RUNX2: variants seen among roughly 807,000 people sequenced by gnomAD.
The protein encoded by RUNX2 is RUNX family transcription factor 2.
A neutral mutation model predicts 51.7 loss-of-function variants in RUNX2; 10 were observed. The ratio of observed to expected loss-of-function variants is 0.19; its 90% CI spans 0.12 to 0.33. The LOEUF (loss-of-function observed/expected upper bound fraction) is 0.33, where lower values mean the gene tolerates loss of function less well. RUNX2 is among the 10% of genes least tolerant of loss of function. RUNX2 has a pLI of 1.00. For missense variants in RUNX2, 562 were observed against 691.3 expected (o/e 0.81, Z 2.10); for synonymous variants, 276 against 273.6 (o/e 1.01, Z -0.09).
rs1289838464 is a variant in RUNX2 at position 45,491,956 on chromosome 6, T to C, written c.701T>C (p.Leu234Pro). ...PREPRRHRQKLDDSKPSLFSD... is the reference protein window; with the variant it reads ...PREPRRHRQKPDDSKPSLFSD... ...CTATTTCCAGGGCACAGACAGAAGC[T>C]TGATGACTCTAAACCTAGTTTGTTC... Residue 234 changes from leucine (L) to proline (P), a missense_variant, in exon 6 of 9, where the codon CTT becomes CCT. This residue lies in a region of RUNX2 where 37 missense variants were observed against 66.5 expected (regional missense o/e 0.56). Coordinates refer to ENST00000647337, the MANE Select transcript of RUNX2 (RefSeq NM_001024630.4). The C allele has an allele frequency of 1.2e-6, 2 of 1,613,832 alleles. No homozygotes were observed. Among genetic ancestry groups the C allele is most frequent in the African/African-American group, 2.7e-5 (2 of 74,904 alleles).
chr6:45,426,389 G>T (rs764743270), intron 3 of RUNX2, among the ~76,000 whole-genome samples: 4 of 152,124 alleles, frequency 2.6e-5, no homozygotes, highest in African/African-American at 9.7e-5. Context: ...GAAGTAATTT[G>T]CAAATTCAGC....
At chr6:45,399,490 G>A (rs1297474403) in intron 2 of RUNX2, among the ~76,000 whole-genome samples, 1 of 150,026 alleles carries the variant, frequency 6.7e-6, no homozygotes, top group Non-Finnish European at 1.5e-5. Flanking sequence ...CTACTGAGTA[G>A]CTGAGATTAC....
At chr6:45,436,203 G>A (rs1015029470) in intron 4 of RUNX2, among the ~76,000 whole-genome samples, 31 of 152,138 alleles carry the variant, frequency 2.0e-4, no homozygotes, top group Non-Finnish European at 7.3e-5. Flanking sequence ...GGCACATAGA[G>A]CTGATTGGGA....
At chr6:45,415,543 A>G (rs1264521625) in intron 2 of RUNX2, among the ~76,000 whole-genome samples, 1 of 152,166 alleles carries the variant, frequency 6.6e-6, no homozygotes, top group Non-Finnish European at 1.5e-5. Context: ...TGCTGGGGGA[A>G]ACTTCTGGCT....
At chr6:45,419,446 A>G (rs1798131060) in intron 2 of RUNX2, among the ~76,000 whole-genome samples, 1 of 151,358 alleles carries the variant, frequency 6.6e-6, no homozygotes, top group Non-Finnish European at 1.5e-5. Context: ...AAAAGGCAGG[A>G]AAAAAAAGCC....
intron 7 of RUNX2, among the ~76,000 whole-genome samples, chr6:45,520,028 C>T (rs1286644392): frequency 6.6e-6 from 1 of 151,952 alleles, no homozygotes; most frequent in Admixed American, 6.6e-5. Flanking sequence ...GATGGGGTTC[C>T]ACCATGTTGG....
Position 45,431,920 on chromosome 6 carries a change from G to A in RUNX2, c.481G>A (p.Asp161Asn), listed in dbSNP as rs1477047335. 6 of 1,614,006 alleles carry A rather than the reference G, an allele frequency of 3.7e-6. No homozygotes were observed. Among genetic ancestry groups the A allele is most frequent in the South Asian group, 1.1e-5 (1 of 91,082 alleles). Residue 161 changes from aspartate (D) to asparagine (N), a missense_variant, in exon 4 of 9, where the codon GAT (aspartate) becomes AAT (asparagine). Physicochemically the swap from Asp to Asn is conservative, Grantham distance 23. Transcript: ENST00000647337. ...TGTGGTTACTGTCATGGCGGGTAAC[G>A]ATGAAAATTATTCTGCTGAGCTCCG... Reference protein sequence around the residue: ...GTVVTVMAGNDENYSAELRNA... With the variant: ...GTVVTVMAGNNENYSAELRNA...
chr6:45,448,422 TA>T, intron 5 of RUNX2, among the ~76,000 whole-genome samples: 1 of 152,166 alleles, frequency 6.6e-6, no homozygotes, highest in East Asian at 1.9e-4. Flanking sequence ...TTTTGTAGGG[TA>T]AACGAATCAA....
intron 5 of RUNX2, among the ~76,000 whole-genome samples, chr6:45,483,088 A>G (rs1162258579): frequency 2.6e-5 from 4 of 152,222 alleles, no homozygotes; most frequent in African/African-American, 9.6e-5. Context: ...CTGAAGCCAC[A>G]CACTAACATT....
At chr6:45,335,318 A>C (rs1281570113) in intron 2 of RUNX2, among the ~76,000 whole-genome samples, 1 of 151,300 alleles carries the variant, frequency 6.6e-6, no homozygotes, top group Non-Finnish European at 1.5e-5. Context: ...TTTACTTTGA[A>C]GCTTAAAAGA....
intron 2 of RUNX2, among the ~76,000 whole-genome samples, chr6:45,389,750 C>T (rs2150346309): frequency 6.6e-6 from 1 of 152,230 alleles, no homozygotes; most frequent in South Asian, 2.1e-4. Flanking sequence ...GTGGCTCATG[C>T]CTGTAATCTG....
chr6:45,349,211 ATATT>A (rs988304494), intron 2 of RUNX2, among the ~76,000 whole-genome samples: 7 of 152,164 alleles, frequency 4.6e-5, no homozygotes, highest in African/African-American at 1.7e-4. Context: ...CTACTTCTAC[ATATT>A]TAAAGTCACA....
rs147149129 is a variant in RUNX2, at chr6:45,466,205, C to G, written c.686-25736C>G. Among the ~76,000 whole-genome samples the G allele has an allele frequency of 6.3e-3, 959 of 151,792 alleles. 9 individuals carry two copies. The highest frequency in any genetic ancestry group is 0.022 in the African/African-American group (897 of 41,390). ...GTGGGCGCCTGTAATCCTAGCTACT[C>G]AGGAGGCTGAGGCAGGAGAATCGCT... On this transcript the variant is annotated intron_variant, in intron 5 of 8. Coordinates refer to ENST00000647337, the MANE Select transcript of RUNX2 (RefSeq NM_001024630.4).
chr6:45,548,835 G>A lies in RUNX2; in HGVS notation c.*1530G>A, dbSNP rs1802480621. The A allele has an allele frequency of 3.8e-6, 1 of 263,012 alleles. No homozygotes were observed. The highest frequency in any genetic ancestry group is 5.5e-5 in the Admixed American group (1 of 18,296). The allele number at this position is 263,012 out of a possible 1,614,324, so 16.3% of individuals were successfully genotyped here. A position where few individuals can be genotyped will look rare whatever the true frequency, so the allele number is the denominator to read the frequency against. ...CAACACAACAGGGGAACCCCAATCT[G>A]CCTTACCCAAGGCCCCACTGGCAGC... On this transcript the variant is annotated 3_prime_UTR_variant, in exon 9 of 9. Transcript: ENST00000647337.
intron 2 of RUNX2, among the ~76,000 whole-genome samples, chr6:45,336,180 A>C (rs983039581): frequency 9.5e-5 from 14 of 147,378 alleles, no homozygotes; most frequent in Non-Finnish European, 1.7e-4. Flanking sequence ...TTTAGAAGGA[A>C]AACTTAACAT....
chr6:45,346,955 T>C (rs1791006266), intron 2 of RUNX2, among the ~76,000 whole-genome samples: 1 of 152,272 alleles, frequency 6.6e-6, no homozygotes, highest in African/African-American at 2.4e-5. Flanking sequence ...TAGGAGGACT[T>C]AGCAAAGGGA....
chr6:45,467,596 G>T (rs1423786656), intron 5 of RUNX2, among the ~76,000 whole-genome samples: 2 of 151,898 alleles, frequency 1.3e-5, no homozygotes, highest in Non-Finnish European at 2.9e-5. Context: ...TTATCTTTTA[G>T]AACCGCCACC....
At chr6:45,510,149 A>G (rs1801098399) in intron 6 of RUNX2, among the ~76,000 whole-genome samples, 1 of 152,218 alleles carries the variant, frequency 6.6e-6, no homozygotes, top group Admixed American at 6.5e-5. Context: ...TATAACAAGG[A>G]CCAGTCACTC....
intron 2 of RUNX2, among the ~76,000 whole-genome samples, chr6:45,408,196 C>T (rs557653605): frequency 5.9e-5 from 9 of 151,610 alleles, no homozygotes; most frequent in Non-Finnish European, 1.3e-4. Context: ...GACAGAGTCT[C>T]GCTCTGTCGC....
Sources: allele counts gnomAD v4.1 joint callset (sites outside exome capture counted in the v4.1 genomes callset), GRCh38; gene constraint gnomAD v4.1.1; regional missense constraint gnomAD v4.1.1; transcripts MANE v1.5; gene names NCBI Gene and HGNC (gene_info 2026-07-23, HGNC 2026-07-21).